SLC25A13: variants seen among roughly 807,000 people sequenced by gnomAD.
SLC25A13 encodes the protein electrogenic aspartate/glutamate antiporter SLC25A13, mitochondrial.
SLC25A13 carries 70 observed loss-of-function variants against 85.5 expected under a neutral mutation model. The ratio of observed to expected loss-of-function variants is 0.82; its 90% CI spans 0.68 to 1.00. SLC25A13 has a LOEUF of 1.00. Among genes scored for constraint, SLC25A13 ranks in the 50% least tolerant of loss-of-function variants. The pLI is 0.00. For missense variants in SLC25A13, 765 were observed against 819.8 expected (o/e 0.93, Z 0.82); for synonymous variants, 259 against 288.7 (o/e 0.90, Z 1.04).
At chr7:96,166,291 A>T (rs977691758) in intron 13 of SLC25A13, among the ~76,000 whole-genome samples, 2 of 152,258 alleles carry the variant, frequency 1.3e-5, no homozygotes, top group Admixed American at 1.3e-4. Context: ...ACCATAGTTT[A>T]AAAAACATGT....
At chr7:96,227,454 G>A (rs891578776) in intron 4 of SLC25A13, among the ~76,000 whole-genome samples, 13 of 152,134 alleles carry the variant, frequency 8.5e-5, no homozygotes, top group African/African-American at 3.1e-4. Context: ...CTCTAAAATT[G>A]TTTTGATAGT....
intron 2 of SLC25A13, 58 bp downstream of exon 2, chr7:96,296,840 T>G: frequency 6.7e-7 from 1 of 1,485,842 alleles, no homozygotes; most frequent in African/African-American, 1.4e-5. Context: ...GAAAATAATA[T>G]TTAAAAGTTA....
At chr7:96,172,104 G>A (rs1354584283) in intron 11 of SLC25A13, among the ~76,000 whole-genome samples, 1 of 152,152 alleles carries the variant, frequency 6.6e-6, no homozygotes, top group Non-Finnish European at 1.5e-5. Flanking sequence ...ATGTAAGAAA[G>A]TCCACTCACA....
At chr7:96,124,362 G>A (rs891916548) in intron 15 of SLC25A13, among the ~76,000 whole-genome samples, 2 of 151,946 alleles carry the variant, frequency 1.3e-5, no homozygotes, top group Non-Finnish European at 1.5e-5. Flanking sequence ...TACTTAATAC[G>A]TCAGCTTCTA....
chr7:96,240,269 G>C (rs1259189228), intron 3 of SLC25A13, among the ~76,000 whole-genome samples: 1 of 152,200 alleles, frequency 6.6e-6, no homozygotes, highest in Admixed American at 6.5e-5. Flanking sequence ...AAAGGAGATG[G>C]AGAAAGCCTT....
At chr7:96,159,995 C>T (rs1227811262) in intron 13 of SLC25A13, among the ~76,000 whole-genome samples, 2 of 152,174 alleles carry the variant, frequency 1.3e-5, no homozygotes, top group Non-Finnish European at 2.9e-5. Context: ...CATTAAAAAG[C>T]AATTAACTTA....
chr7:96,216,879 T>G (rs1795920025), intron 4 of SLC25A13, among the ~76,000 whole-genome samples: 1 of 151,476 alleles, frequency 6.6e-6, no homozygotes, highest in African/African-American at 2.4e-5. Flanking sequence ...AACCTGCACA[T>G]GTACCCCTGA....
chr7:96,132,013 G>T, intron 14 of SLC25A13, 132 bp from the exon 15 acceptor site: 2 of 1,160,272 alleles, frequency 1.7e-6, no homozygotes, highest in Non-Finnish European at 2.5e-6. Context: ...ATTGAAAGGG[G>T]AACAGAAAAA....
intron 4 of SLC25A13, among the ~76,000 whole-genome samples, chr7:96,230,699 G>A (rs1485242787): frequency 2.6e-5 from 4 of 152,164 alleles, no homozygotes. Flanking sequence ...CAAGCAATGG[G>A]GAAAGGATTC....
chr7:96,130,904 G>C (rs1792000865), intron 15 of SLC25A13, among the ~76,000 whole-genome samples: 1 of 152,222 alleles, frequency 6.6e-6, no homozygotes. Context: ...AGCCAGGGTA[G>C]GTGGGGTGTG....
rs548677043 is a variant in SLC25A13 at position 96,147,953 on chromosome 7, A to G, written c.1312-1257T>C. On this transcript the variant is annotated intron_variant, in intron 13 of 17. Transcript: ENST00000265631. ...TCCTTTTTTTTTTTTGATGTATTTG[A>G]AATTTTTTCTATATAGATCATGTGT... is the stretch of plus-strand genomic sequence containing the variant. 7.2e-5 allele frequency among the ~76,000 whole-genome samples: 11 copies of G among 151,876 alleles called. No individual in the cohort carries two copies. The South Asian group carries it at 2.3e-3, about 32-fold the overall frequency.
At chr7:96,124,380 T>C (rs898680553) in intron 15 of SLC25A13, among the ~76,000 whole-genome samples, 4 of 152,208 alleles carry the variant, frequency 2.6e-5, no homozygotes, top group Admixed American at 6.5e-5. Context: ...CTAAAAGCAG[T>C]GTGATAAAGT....
intron 3 of SLC25A13, among the ~76,000 whole-genome samples, chr7:96,244,395 C>G (rs2116846987): frequency 6.6e-6 from 1 of 152,286 alleles, no homozygotes; most frequent in South Asian, 2.1e-4. Context: ...TCCAATTATG[C>G]AAATTCATGA....
intron 3 of SLC25A13, among the ~76,000 whole-genome samples, chr7:96,265,442 A>G (rs1016100480): frequency 6.6e-6 from 1 of 152,234 alleles, no homozygotes; most frequent in Non-Finnish European, 1.5e-5. Context: ...TAAGAATGGT[A>G]TCCCGTATCC....
intron 3 of SLC25A13, among the ~76,000 whole-genome samples, chr7:96,263,913 C>T (rs749874178): frequency 3.9e-5 from 6 of 152,008 alleles, no homozygotes; most frequent in Non-Finnish European, 8.8e-5. Context: ...TCTTCCTGTT[C>T]AGTCCCTCAT....
Position 96,121,742 on chromosome 7 carries a change from C to G in SLC25A13, c.1754G>C (p.Arg585Pro). The G allele has an allele frequency of 6.2e-7, 1 of 1,614,006 alleles. No homozygotes were observed. The highest frequency in any genetic ancestry group is 8.5e-7 in the Non-Finnish European group (1 of 1,179,970). The change falls in exon 17 of 18, where the codon CGT (arginine) becomes CCT (proline). Residue 585 changes from arginine to proline, a missense_variant. By Grantham distance (103) the Arg-to-Pro change is moderately radical. Coordinates refer to ENST00000265631, the MANE Select transcript of SLC25A13 (RefSeq NM_014251.3). ...PKALWKGAGA[R>P]VFRSSPQFGV... is the part of the protein sequence containing the mutation. ...AAACTGGGGTGAGGATCGAAATACACGAGCTTTAAAAAAATGGAGAAATCA... is the reference window on the plus strand; with the variant it reads ...AAACTGGGGTGAGGATCGAAATACAGGAGCTTTAAAAAAATGGAGAAATCA...
chr7:96,159,340 T>A (rs1385896862), intron 13 of SLC25A13, among the ~76,000 whole-genome samples: 1 of 152,202 alleles, frequency 6.6e-6, no homozygotes, highest in East Asian at 1.9e-4. Context: ...GTGACCGGAT[T>A]TGGACTTACG....
At chr7:96,215,863 G>C (rs888044270) in intron 4 of SLC25A13, among the ~76,000 whole-genome samples, 1 of 151,966 alleles carries the variant, frequency 6.6e-6, no homozygotes, top group Admixed American at 6.6e-5. Flanking sequence ...CATTAAGAAA[G>C]TATTAAAATG....
At chr7:96,123,402 T>C (rs1791596179) in intron 15 of SLC25A13, among the ~76,000 whole-genome samples, 1 of 152,192 alleles carries the variant, frequency 6.6e-6, no homozygotes, top group Admixed American at 6.5e-5. Flanking sequence ...AAAAGCCGCC[T>C]TGCAATGGTG....
Sources: gnomAD v4.1 joint callset for allele counts (sites outside exome capture counted in the v4.1 genomes callset) on GRCh38, gnomAD v4.1.1 for gene constraint, MANE v1.5 for transcripts, NCBI Gene and HGNC (gene_info 2026-07-23, HGNC 2026-07-21) for gene names.